Variants in NCAM2 observed in about 807,000 individuals in gnomAD.
NCAM2 encodes the protein neural cell adhesion molecule 2.
In NCAM2, 30 loss-of-function variants were observed where a neutral mutation model predicts 98.1. That is an observed-to-expected ratio of 0.31 (90% CI 0.23 to 0.41). NCAM2 has a LOEUF of 0.41. Among genes scored for constraint, NCAM2 ranks in the 10% least tolerant of loss-of-function variants. NCAM2 has a pLI of 1.00. For synonymous variants in NCAM2, 368 were observed against 342.4 expected, an observed-to-expected ratio of 1.07 and a Z score of -0.83; for missense variants, 867 against 1,005.8, an observed-to-expected ratio of 0.86 and a Z score of 1.87.
chr21:21,512,127 T>A (rs1206863911), intron 16 of NCAM2, among the ~76,000 whole-genome samples: 1 of 151,996 alleles, frequency 6.6e-6, no homozygotes, highest in East Asian at 1.9e-4. Context: ...CCATGTTTGC[T>A]TTGTTTATGC....
chr21:21,175,548 A>T (rs1288799903), intron 1 of NCAM2, among the ~76,000 whole-genome samples: 2 of 152,000 alleles, frequency 1.3e-5, no homozygotes, highest in East Asian at 1.9e-4. Context: ...AAATAAAAAA[A>T]AATAAAATAA....
At chr21:21,439,285 A>C (rs1054745952) in intron 12 of NCAM2, among the ~76,000 whole-genome samples, 2 of 151,800 alleles carry the variant, frequency 1.3e-5, no homozygotes, top group Non-Finnish European at 1.5e-5. Flanking sequence ...CATCTGGCTA[A>C]TTTTTGTATT....
At chr21:21,507,741 G>T (rs13048131) in intron 15 of NCAM2, among the ~76,000 whole-genome samples, 19,625 of 141,984 alleles carry the variant, frequency 0.14, 1,710 homozygotes, top group Middle Eastern at 0.24. Flanking sequence ...AGTGAGCCGA[G>T]ATCGCCCCAC....
chr21:21,099,608 C>G (rs1310705218), intron 1 of NCAM2, among the ~76,000 whole-genome samples: 1 of 151,930 alleles, frequency 6.6e-6, no homozygotes, highest in African/African-American at 2.4e-5. Flanking sequence ...TTACCTCTCA[C>G]AGGCTCCCTT....
Position 21,385,371 on chromosome 21 carries a change from AACAC to A in NCAM2, c.1195+11383_1195+11386del, listed in dbSNP as rs543136137. 1.9e-3 allele frequency among the ~76,000 whole-genome samples: 212 copies of A among 110,192 alleles called. 1 individual carries two copies. The highest frequency in any genetic ancestry group is 8.2e-3 in the East Asian group (18 of 2,192). 72.3% of individuals were successfully genotyped at this position (110,192 alleles called of 152,430 possible). ...ATTACAAAGACATTACACAATGTTA[AACAC>A]ACACACACACACACACACACACACG... On this transcript the variant is annotated intron_variant, in intron 9 of 17. Transcript: ENST00000400546.
intron 1 of NCAM2, among the ~76,000 whole-genome samples, chr21:21,040,993 CATT>C (rs1301066418): frequency 6.6e-6 from 1 of 152,034 alleles, no homozygotes; most frequent in Non-Finnish European, 1.5e-5. Flanking sequence ...CTTATTTCAT[CATT>C]ACGTGTTGTA....
intron 12 of NCAM2, among the ~76,000 whole-genome samples, chr21:21,432,566 C>G (rs1843598063): frequency 6.6e-6 from 1 of 150,612 alleles, no homozygotes; most frequent in Non-Finnish European, 1.5e-5. Context: ...TGCTCACATA[C>G]TAGATATGAT....
chr21:21,404,701 A>G (rs1168853051), intron 9 of NCAM2, among the ~76,000 whole-genome samples: 1 of 151,866 alleles, frequency 6.6e-6, no homozygotes, highest in Non-Finnish European at 1.5e-5. Context: ...ATCTATATAT[A>G]CACAATATAT....
intron 9 of NCAM2, among the ~76,000 whole-genome samples, chr21:21,396,054 T>C (rs915201262): frequency 1.3e-5 from 2 of 150,544 alleles, no homozygotes; most frequent in African/African-American, 4.9e-5. Flanking sequence ...GAAAAAGAAA[T>C]AATCGGCCAG....
At position 21,340,073 on chromosome 21, in the gene NCAM2, A is replaced by T. The variant is rs201985017; in HGVS notation, c.1044+1539A>T. 2.2e-4 allele frequency among the ~76,000 whole-genome samples: 33 copies of T among 152,000 alleles called. No individual in the cohort carries two copies. The East Asian group carries it at 5.2e-3, about 24-fold the overall frequency. ...CAGTTGCCAAATCTGAAAAGAATTA[A>T]ATTTATGTGAAATTAAAAAAATACA... On this transcript the variant is annotated intron_variant, in intron 8 of 17. Transcript: ENST00000400546.
At chr21:21,105,511 C>G (rs1435297391) in intron 1 of NCAM2, among the ~76,000 whole-genome samples, 1 of 151,970 alleles carries the variant, frequency 6.6e-6, no homozygotes. Flanking sequence ...GGGTATCCTT[C>G]ATATACATGA....
intron 1 of NCAM2, among the ~76,000 whole-genome samples, chr21:21,089,696 T>C (rs960840420): frequency 4.0e-5 from 6 of 151,872 alleles, no homozygotes; most frequent in Admixed American, 3.3e-4. Context: ...CCCTCCTTCA[T>C]TGCATCCTGC....
At chr21:21,160,687 G>T (rs1601532227) in intron 1 of NCAM2, among the ~76,000 whole-genome samples, 1 of 151,944 alleles carries the variant, frequency 6.6e-6, no homozygotes, top group East Asian at 1.9e-4. Context: ...ATAGTGTTGT[G>T]TATGCAAGAC....
At chr21:21,325,029 G>C (rs1360270508) in intron 6 of NCAM2, among the ~76,000 whole-genome samples, 1 of 149,818 alleles carries the variant, frequency 6.7e-6, no homozygotes, top group Non-Finnish European at 1.5e-5. Flanking sequence ...TCTATAATTT[G>C]ATAGTTTATT....
At chr21:21,343,395 A>ACACACACAC (rs1568957074) in intron 8 of NCAM2, among the ~76,000 whole-genome samples, 32 of 145,950 alleles carry the variant, frequency 2.2e-4, no homozygotes, top group African/African-American at 3.0e-4. Context: ...ACACACACAC[A>ACACACACAC]ATCTTCATGA....
At position 21,373,766 on chromosome 21, in the gene NCAM2, C is replaced by G. The variant is rs1342884951; in HGVS notation, c.1045-97C>G. On this transcript the variant is annotated intron_variant, in intron 8 of 17. Transcript: ENST00000400546. ...GGAACAGTTTCTTTTTTCTTTTTGC[C>G]AGAGAAACATGGGAAGTAACATAAT... is the stretch of plus-strand genomic sequence containing the variant. 2.8e-6 allele frequency: 3 copies of G among 1,074,908 alleles called. No individual in the cohort carries two copies. The Admixed American group carries it at 8.7e-5, about 31-fold the overall frequency. The allele number at this position is 1,074,908 out of a possible 1,614,324, so 66.6% of individuals were successfully genotyped here.
intron 15 of NCAM2, among the ~76,000 whole-genome samples, chr21:21,488,607 G>A (rs1986589795): frequency 1.3e-5 from 2 of 151,774 alleles, no homozygotes; most frequent in African/African-American, 4.8e-5. Context: ...CAATATATTT[G>A]GGTCTAGCTT....
At chr21:21,245,820 G>A (rs2147261251) in intron 1 of NCAM2, among the ~76,000 whole-genome samples, 1 of 150,974 alleles carries the variant, frequency 6.6e-6, no homozygotes, top group Non-Finnish European at 1.5e-5. Flanking sequence ...ATGGTAGAGA[G>A]ATAAATGGCA....
intron 11 of NCAM2, among the ~76,000 whole-genome samples, chr21:21,424,510 A>C (rs2145985691): frequency 6.6e-6 from 1 of 152,272 alleles, no homozygotes; most frequent in East Asian, 1.9e-4. Flanking sequence ...TCAACTTTTG[A>C]ATTGAGTCTG....
Sources: allele counts gnomAD v4.1 joint callset (sites outside exome capture counted in the v4.1 genomes callset), GRCh38; gene constraint gnomAD v4.1.1; transcripts MANE v1.5; gene names NCBI Gene and HGNC (gene_info 2026-07-23, HGNC 2026-07-21).